TMEM19: variants seen among roughly 807,000 people sequenced by gnomAD.
TMEM19 encodes transmembrane protein 19.
Under a neutral mutation model 33.6 loss-of-function variants are expected in TMEM19, and 21 were observed. The ratio of observed to expected loss-of-function variants is 0.62; its 90% confidence interval spans 0.44 to 0.90. TMEM19 has a LOEUF of 0.90. TMEM19 is among the 40% of genes least tolerant of loss of function. The pLI is 0.00. For synonymous variants in TMEM19, 149 were observed against 147.5 expected (o/e 1.01, Z -0.07); for missense variants, 402 against 401.8 (o/e 1.00, Z 0.00).
At position 71,688,532 on chromosome 12, in the gene TMEM19, T is replaced by G. The variant is rs1021765237; in HGVS notation, c.131-1059T>G. Among the ~76,000 whole-genome samples the G allele has an allele frequency of 3.3e-4, 50 of 152,276 alleles. 1 individual carries two copies. The highest frequency in any genetic ancestry group is 1.0e-3 in the African/African-American group (43 of 41,554). On this transcript the variant is annotated intron_variant, in intron 1 of 5. Coordinates refer to ENST00000266673, the MANE Select transcript of TMEM19 (RefSeq NM_018279.4). ...GCATGAGCCACTGCGCCCGGCCCAT[T>G]TTCTCATTTTTGATAGAAACATAGA...
intron 1 of TMEM19, 116 bp downstream of exon 1, chr12:71,686,926 C>A: frequency 9.6e-7 from 1 of 1,041,558 alleles, no homozygotes; most frequent in Non-Finnish European, 1.3e-6. Flanking sequence ...GTTGTGTTTA[C>A]TTAACTTCCA....
At chr12:71,697,683 A>G in intron 4 of TMEM19, 149 bp downstream of exon 4, 1 of 1,049,394 alleles carries the variant, frequency 9.5e-7, no homozygotes. Flanking sequence ...AATAATTGGA[A>G]AATTTCTGTC....
Position 71,704,530 on chromosome 12 carries a change from A to T in TMEM19, c.*3535A>T, listed in dbSNP as rs1454052619. Reference sequence around the variant, plus strand: ...ATACTAGCCACCAGATCTCAGGTGAATTGTGGTGTGCTTTAAAAATGAAAA... The same window carrying T: ...ATACTAGCCACCAGATCTCAGGTGATTTGTGGTGTGCTTTAAAAATGAAAA... On this transcript the variant is annotated 3_prime_UTR_variant, in exon 6 of 6. Coordinates refer to ENST00000266673, the MANE Select transcript of TMEM19 (RefSeq NM_018279.4). 6.6e-6 allele frequency: 1 copy of T among 152,230 alleles called. No homozygotes were observed. Among genetic ancestry groups the T allele is most frequent in the Non-Finnish European group, 1.5e-5 (1 of 68,050 alleles). 9.4% of individuals were successfully genotyped at this position (152,230 alleles called of 1,614,324 possible). A position where few individuals can be genotyped will look rare whatever the true frequency, so the allele number is the denominator to read the frequency against.
At chr12:71,700,676 C>G (rs1881960501) in intron 5 of TMEM19, among the ~76,000 whole-genome samples, 156 bp from the exon 6 acceptor site, 1 of 150,908 alleles carries the variant, frequency 6.6e-6, no homozygotes, top group African/African-American at 2.4e-5. Flanking sequence ...CAAAGATTGT[C>G]TCCTTTGGAG....
Position 71,699,149 on chromosome 12 carries a change from TAAAG to T in TMEM19, c.847+44_847+47del, listed in dbSNP as rs575267695. On this transcript the variant is annotated intron_variant, in intron 5 of 5. Transcript: ENST00000266673. ...TCATTCTTGCAACTTATTGGTATGT[TAAAG>T]AAATAGGGAAAAGAAAGAAAAAAAT... The T allele has an allele frequency of 4.6e-5, 74 of 1,601,396 alleles. No homozygotes were observed. In the East Asian group the frequency reaches 1.1e-3, roughly 25 times the overall value.
In TMEM19 at chr12:71,698,610, AG is replaced by A. The variant is rs369245826; in HGVS notation, c.638-289del. Among the ~76,000 whole-genome samples the A allele has an allele frequency of 9.5e-3, 449 of 47,248 alleles. 11 individuals are homozygous for A. The highest frequency in any genetic ancestry group is 0.028 in the South Asian group (54 of 1,922). The allele number at this position is 47,248 out of a possible 152,430, so 31.0% of individuals were successfully genotyped here. ...AGAGCAAAACCTTGTCTCTGAAAAGAGAGAGAGAGAGAGAGAGAGAGAGAGA... is the reference window on the plus strand; with the variant it reads ...AGAGCAAAACCTTGTCTCTGAAAAGAAGAGAGAGAGAGAGAGAGAGAGAGA... On this transcript the variant is annotated intron_variant, in intron 4 of 5. Transcript: ENST00000266673.
chr12:71,686,243 C>T lies in TMEM19; in HGVS notation c.-438C>T. On this transcript the variant is annotated 5_prime_UTR_variant, in exon 1 of 6. Coordinates refer to ENST00000266673, the MANE Select transcript of TMEM19 (RefSeq NM_018279.4). ...GCGTCGGGCGTGCTTCCCAGACTTG[C>T]CCAAGTTCGGGTGCCCTAGCTGCCC... The T allele has an allele frequency of 4.6e-6, 1 of 217,894 alleles. No homozygotes were observed. Among genetic ancestry groups the T allele is most frequent in the South Asian group, 5.4e-5 (1 of 18,370 alleles). The allele number at this position is 217,894 out of a possible 1,614,324, so 13.5% of individuals were successfully genotyped here.
intron 4 of TMEM19, 30 bp from the exon 5 acceptor site, chr12:71,698,870 C>A: frequency 6.2e-7 from 1 of 1,603,898 alleles, no homozygotes; most frequent in Non-Finnish European, 8.5e-7. Context: ...GATTATTAAC[C>A]GGATGATTTT....
intron 4 of TMEM19, among the ~76,000 whole-genome samples, chr12:71,697,948 C>T (rs562185878): frequency 6.6e-6 from 1 of 152,254 alleles, no homozygotes; most frequent in Non-Finnish European, 1.5e-5. Context: ...CCAAAATGCT[C>T]CAAAATCTCA....
chr12:71,694,732 G>C (rs1881841866), intron 2 of TMEM19, among the ~76,000 whole-genome samples: 1 of 152,164 alleles, frequency 6.6e-6, no homozygotes, highest in Non-Finnish European at 1.5e-5. Flanking sequence ...CCAACCTCTG[G>C]TTCTTTTGGC....
Position 71,689,688 on chromosome 12 carries a change from C to T in TMEM19, c.228C>T (p.His76=), listed in dbSNP as rs1239585901. The stretch of plus-strand genomic sequence containing the variant: ...GCCTTAAAAAGAAAAGTCTAGATCA[C>T]AGTGGGGCTCTAGGAGGTATGTTTT... ...SNGLKKKSLD[H]SGALGGLVVG... Residue 76 remains histidine, a synonymous_variant, in exon 2 of 6, where the codon CAC becomes CAT. Transcript: ENST00000266673. 30 of 1,612,888 alleles carry T rather than the reference C, an allele frequency of 1.9e-5. No homozygotes were observed. Among genetic ancestry groups the T allele is most frequent in the Non-Finnish European group, 2.5e-5 (29 of 1,179,120 alleles).
intron 2 of TMEM19, among the ~76,000 whole-genome samples, chr12:71,692,282 C>G (rs568216255): frequency 2.0e-5 from 3 of 152,222 alleles, no homozygotes; most frequent in Admixed American, 2.0e-4. Context: ...CTCAACCTCT[C>G]TCCTACCTCA....
At chr12:71,694,331 A>G (rs913765090) in intron 2 of TMEM19, among the ~76,000 whole-genome samples, 6 of 152,102 alleles carry the variant, frequency 3.9e-5, no homozygotes, top group Non-Finnish European at 8.8e-5. Flanking sequence ...AGGAAAGGCC[A>G]CTGGTGGTGC....
At chr12:71,695,059 T>C (rs997774087) in intron 2 of TMEM19, among the ~76,000 whole-genome samples, 1 of 152,214 alleles carries the variant, frequency 6.6e-6, no homozygotes, top group Non-Finnish European at 1.5e-5. Context: ...TTGTCATATA[T>C]ATGAACCCCT....
intron 4 of TMEM19, among the ~76,000 whole-genome samples, chr12:71,698,520 C>T (rs1480191151): frequency 1.3e-5 from 2 of 151,972 alleles, no homozygotes; most frequent in Admixed American, 1.3e-4. Flanking sequence ...GGGAGGATCA[C>T]TTGAGCCTGG....
chr12:71,694,233 C>T (rs1881833809), intron 2 of TMEM19, among the ~76,000 whole-genome samples: 2 of 152,144 alleles, frequency 1.3e-5, no homozygotes, highest in African/African-American at 4.8e-5. Flanking sequence ...GGAGAGAGAG[C>T]GAGCATTGCC....
chr12:71,697,565 T>A lies in TMEM19; in HGVS notation c.637+31T>A, dbSNP rs1881897687. ...TTTTTTCTTCTTTTTGACCCATTGG[T>A]AGACACAGTTGGTGAGTCTTGATTT... On this transcript the variant is annotated intron_variant, in intron 4 of 5. Transcript: ENST00000266673. The A allele has an allele frequency of 5.8e-6, 9 of 1,551,710 alleles. No homozygotes were observed. The East Asian group carries it at 2.1e-4, about 37-fold the overall frequency.
intron 2 of TMEM19, among the ~76,000 whole-genome samples, chr12:71,693,716 A>G (rs900819199): frequency 2.0e-5 from 3 of 152,166 alleles, no homozygotes; most frequent in Non-Finnish European, 4.4e-5. Context: ...CATAATTCCC[A>G]CATGTCAAGG....
chr12:71,693,277 G>T (rs896841291), intron 2 of TMEM19, among the ~76,000 whole-genome samples: 3 of 151,942 alleles, frequency 2.0e-5, no homozygotes, highest in Admixed American at 6.6e-5. Context: ...GCTTAGTGCA[G>T]CCTTGAATTC....
Sources: gnomAD v4.1 joint callset for allele counts (sites outside exome capture counted in the v4.1 genomes callset) on GRCh38, gnomAD v4.1.1 for gene constraint, MANE v1.5 for transcripts, NCBI Gene and HGNC (gene_info 2026-07-23, HGNC 2026-07-21) for gene names.